Variants in STX12 observed in about 807,000 individuals in gnomAD.
STX12 encodes the protein syntaxin 12.
A neutral mutation model predicts 42.2 loss-of-function variants in STX12; 17 were observed. That is an observed-to-expected ratio of 0.40 (90% confidence interval 0.28 to 0.60). The LOEUF is 0.60. Among genes scored for constraint, STX12 ranks in the 20% least tolerant of loss-of-function variants. The pLI is 0.39. For synonymous variants in STX12, 108 were observed against 116.7 expected, an observed-to-expected ratio of 0.93 and a Z score of 0.48; for missense variants, 297 against 330.9, an observed-to-expected ratio of 0.90 and a Z score of 0.79.
intron 3 of STX12, 34 bp downstream of exon 3, chr1:27,793,666 A>G (rs767985295): frequency 1.3e-6 from 2 of 1,578,600 alleles, no homozygotes; most frequent in Admixed American, 3.3e-5. Flanking sequence ...TTAATAGGAA[A>G]GGACTTTGTG....
intron 2 of STX12, among the ~76,000 whole-genome samples, chr1:27,792,227 T>TCTATATATATGTAG (rs2088750907): frequency 9.1e-6 from 1 of 110,372 alleles, no homozygotes. Flanking sequence ...TATATATGTA[T>TCTATATATATGTAG]ATACATATAT....
chr1:27,823,685 A>C lies in STX12; in HGVS notation c.*1356A>C, dbSNP rs1052990923. The C allele has an allele frequency of 2.0e-5, 3 of 152,670 alleles. No individual in the cohort carries two copies. Among genetic ancestry groups the C allele is most frequent in the African/African-American group, 7.2e-5 (3 of 41,468 alleles). 9.5% of individuals were successfully genotyped at this position (152,670 alleles called of 1,614,324 possible). On this transcript the variant is annotated 3_prime_UTR_variant, in exon 9 of 9. Coordinates refer to ENST00000373943, the MANE Select transcript of STX12 (RefSeq NM_177424.3). Reference sequence around the variant, plus strand: ...TAATCTTCTAAACTAAACTAATGTGAACAGTAGGGAAGCAAGGGCCCAAAT... The same window carrying C: ...TAATCTTCTAAACTAAACTAATGTGCACAGTAGGGAAGCAAGGGCCCAAAT...
chr1:27,779,791 T>C (rs2088654184), intron 1 of STX12, among the ~76,000 whole-genome samples: 1 of 142,864 alleles, frequency 7.0e-6, no homozygotes, highest in African/African-American at 2.5e-5. Context: ...TGGTTCCTCC[T>C]TTTTTTTTTT....
chr1:27,780,473 G>A (rs1358932118), intron 1 of STX12, among the ~76,000 whole-genome samples: 1 of 152,138 alleles, frequency 6.6e-6, no homozygotes, highest in Non-Finnish European at 1.5e-5. Context: ...CTCCCAGAGT[G>A]CTGGGATTAC....
rs141463079 is a variant in STX12, at chr1:27,805,105, C to T, written c.426+3290C>T. Among the ~76,000 whole-genome samples, 46 of 152,170 alleles carry T rather than the reference C, an allele frequency of 3.0e-4. No individual in the cohort carries two copies. In the East Asian group the frequency reaches 4.8e-3, roughly 16 times the overall value. On this transcript the variant is annotated intron_variant, in intron 4 of 8. Transcript: ENST00000373943. ...ACTGTCCCCATGCTTCAGTTTTGTC[C>T]ATCTGGTCTCGCCCTTGACACGTGG...
chr1:27,819,809 A>C, intron 8 of STX12, 77 bp downstream of exon 8: 9 of 1,232,378 alleles, frequency 7.3e-6, no homozygotes, highest in South Asian at 1.3e-5. Flanking sequence ...CATATTGAGA[A>C]CAGCTACAGC....
rs775432160 is a variant in STX12, at chr1:27,822,296, A to T, written c.798A>T (p.Gly266=). The T allele has an allele frequency of 1.8e-5, 29 of 1,613,264 alleles. No individual in the cohort carries two copies. In the South Asian group the frequency reaches 3.2e-4, roughly 18 times the overall value. The change falls in exon 9 of 9, where the codon GGA becomes GGT. Residue 266 remains glycine (G), a synonymous_variant. Coordinates refer to ENST00000373943, the MANE Select transcript of STX12 (RefSeq NM_177424.3). ...TGTCAGTGATTATTCTAATCTTGGG[A>T]CTTATTATCTGGCTAGTTTATAAAA... ...LVLSVIILIL[G]LIIWLVYKTK is the part of the protein sequence containing the mutation.
intron 1 of STX12, among the ~76,000 whole-genome samples, chr1:27,783,322 G>T (rs2088680427): frequency 6.6e-6 from 1 of 151,938 alleles, no homozygotes. Flanking sequence ...AGTCCTAGTT[G>T]TTTGTTTTTT....
At chr1:27,785,057 A>G (rs2088690788) in intron 1 of STX12, among the ~76,000 whole-genome samples, 1 of 152,228 alleles carries the variant, frequency 6.6e-6, no homozygotes, top group African/African-American at 2.4e-5. Flanking sequence ...TAAAATTCCC[A>G]TAGCTCTGTA....
intron 1 of STX12, among the ~76,000 whole-genome samples, chr1:27,778,135 T>C (rs1290272733): frequency 6.6e-6 from 1 of 152,140 alleles, no homozygotes; most frequent in Non-Finnish European, 1.5e-5. Context: ...AGCATAGTTA[T>C]TCTTTTTTCT....
chr1:27,822,799 T>C lies in STX12; in HGVS notation c.*470T>C, dbSNP rs2088994259. ...TTATTATTTAACATTTTTATTTGAATTTCTAAGAAGCCTATTCTCTATCTA... is the reference window on the plus strand; with the variant it reads ...TTATTATTTAACATTTTTATTTGAACTTCTAAGAAGCCTATTCTCTATCTA... On this transcript the variant is annotated 3_prime_UTR_variant, in exon 9 of 9. Transcript: ENST00000373943. 6.5e-6 allele frequency: 1 copy of C among 153,436 alleles called. No individual in the cohort carries two copies. The highest frequency in any genetic ancestry group is 6.5e-5 in the Admixed American group (1 of 15,430). The allele number at this position is 153,436 out of a possible 1,614,324, so 9.5% of individuals were successfully genotyped here. A position where few individuals can be genotyped will look rare whatever the true frequency, so the allele number is the denominator to read the frequency against.
rs199601647 is a variant in STX12 at position 27,818,384 on chromosome 1, TA to T, written c.649+477del. Among the ~76,000 whole-genome samples the T allele has an allele frequency of 7.2e-3, 1,005 of 139,996 alleles. 1 individual carries two copies. The highest frequency in any genetic ancestry group is 8.2e-3 in the Non-Finnish European group (518 of 63,308). 91.8% of individuals were successfully genotyped at this position (139,996 alleles called of 152,430 possible). On this transcript the variant is annotated intron_variant, in intron 7 of 8. Transcript: ENST00000373943. ...TGACAGAATGAGACTTCGTCTCAATTAAAAAAAAAAAAAAAATGGAGTTAGT... is the reference window on the plus strand; with the variant it reads ...TGACAGAATGAGACTTCGTCTCAATTAAAAAAAAAAAAAAATGGAGTTAGT...
At chr1:27,787,348 G>A (rs867773060) in intron 1 of STX12, among the ~76,000 whole-genome samples, 8 of 152,050 alleles carry the variant, frequency 5.3e-5, no homozygotes, top group African/African-American at 7.2e-5. Context: ...TTGCCTAATC[G>A]TTGCTTCTTA....
chr1:27,786,183 C>T (rs975610357), intron 1 of STX12, among the ~76,000 whole-genome samples: 1 of 152,162 alleles, frequency 6.6e-6, no homozygotes, highest in African/African-American at 2.4e-5. Context: ...CAATCTGGGT[C>T]CCTACTACCT....
intron 3 of STX12, among the ~76,000 whole-genome samples, chr1:27,797,292 A>G (rs1156940143): frequency 3.3e-5 from 5 of 152,044 alleles, no homozygotes; most frequent in African/African-American, 4.8e-5. Flanking sequence ...CCTGACCTCA[A>G]GTGATCCGCC....
Position 27,822,308 on chromosome 1 carries a change from G to T in STX12, c.810G>T (p.Trp270Cys). 1 of 1,611,956 alleles carries T rather than the reference G, an allele frequency of 6.2e-7. No individual in the cohort carries two copies. Among genetic ancestry groups the T allele is most frequent in the Non-Finnish European group, 8.5e-7 (1 of 1,178,108 alleles). Residue 270 changes from tryptophan (W) to cysteine (C), a missense_variant, in exon 9 of 9, where the codon TGG becomes TGT. By Grantham distance (215) the Trp-to-Cys change is radical (BLOSUM62 -2). Coordinates refer to ENST00000373943, the MANE Select transcript of STX12 (RefSeq NM_177424.3). ...TTCTAATCTTGGGACTTATTATCTG[G>T]CTAGTTTATAAAACGAAGTGATTGC... ...VIILILGLII[W>C]LVYKTK
intron 3 of STX12, among the ~76,000 whole-genome samples, chr1:27,794,507 T>C (rs2088771496): frequency 1.3e-5 from 2 of 152,188 alleles, no homozygotes; most frequent in African/African-American, 4.8e-5. Context: ...TTAAATCCTT[T>C]AGAAACACAC....
chr1:27,784,705 A>G (rs1429404940), intron 1 of STX12, among the ~76,000 whole-genome samples: 2 of 152,192 alleles, frequency 1.3e-5, no homozygotes, highest in Non-Finnish European at 2.9e-5. Context: ...CAATATACAA[A>G]AAGTCCTGCT....
rs2088673708 is a variant in STX12, at chr1:27,782,433, C to A, written c.119-7129C>A. Among the ~76,000 whole-genome samples, 3 of 152,244 alleles carry A rather than the reference C, an allele frequency of 2.0e-5. No individual in the cohort carries two copies. The South Asian group carries it at 6.2e-4, about 32-fold the overall frequency. On this transcript the variant is annotated intron_variant, in intron 1 of 8. Transcript: ENST00000373943. Reference sequence around the variant, plus strand: ...TCTTAATTCAGAGCTATGCTCTTAACCATTGCATATTCTGAAACTGGTATG... The same window carrying A: ...TCTTAATTCAGAGCTATGCTCTTAAACATTGCATATTCTGAAACTGGTATG...
Sources: gnomAD v4.1 joint callset for allele counts (sites outside exome capture counted in the v4.1 genomes callset) on GRCh38, gnomAD v4.1.1 for gene constraint, MANE v1.5 for transcripts, NCBI Gene and HGNC (gene_info 2026-07-23, HGNC 2026-07-21) for gene names.